ZFYVE21: variants seen among roughly 807,000 people sequenced by gnomAD.
ZFYVE21 encodes the protein zinc finger FYVE-type containing 21.
A neutral mutation model predicts 29.5 loss-of-function variants in ZFYVE21; 21 were observed. The observed-to-expected ratio is 0.71, with a 90% CI of 0.50 to 1.02. The LOEUF (loss-of-function observed/expected upper bound fraction) is 1.02. Ranked by LOEUF, ZFYVE21 falls within the 50% of genes least tolerant of loss-of-function variation. ZFYVE21 has a pLI of 0.00. For synonymous variants in ZFYVE21, 151 were observed against 133.8 expected (o/e 1.13, Z -0.89); for missense variants, 326 against 335.4 (o/e 0.97, Z 0.22).
intron 1 of ZFYVE21, among the ~76,000 whole-genome samples, chr14:103,718,579 G>A (rs1295515695): frequency 6.6e-6 from 1 of 152,180 alleles, no homozygotes; most frequent in Non-Finnish European, 1.5e-5. Flanking sequence ...GAGGTGCTTT[G>A]GGGGTGTGAA....
At chr14:103,731,028 G>C (rs916285626) in intron 5 of ZFYVE21, 1 of 152,380 alleles carries the variant, frequency 6.6e-6, no homozygotes, top group Non-Finnish European at 1.5e-5. Context: ...TGGTTCTAGA[G>C]GCCCGGCATG....
intron 2 of ZFYVE21, 92 bp from the exon 3 acceptor site, chr14:103,727,654 G>A: frequency 4.6e-6 from 7 of 1,533,962 alleles, no homozygotes; most frequent in Non-Finnish European, 6.2e-6. Context: ...GCGTTTAGGC[G>A]TGGCCCGGGG....
intron 1 of ZFYVE21, among the ~76,000 whole-genome samples, chr14:103,720,792 C>T (rs143492956): frequency 2.7e-4 from 41 of 152,158 alleles, no homozygotes; most frequent in African/African-American, 7.5e-4. Context: ...TGGTGTCTGC[C>T]GCACTGTGGA....
chr14:103,725,183 T>TC (rs2151951826), intron 1 of ZFYVE21: 1 of 152,422 alleles, frequency 6.6e-6, no homozygotes, highest in African/African-American at 2.4e-5. Flanking sequence ...CGTGCCGGCG[T>TC]CAGGGTCCCC....
At chr14:103,732,561 T>C in intron 5 of ZFYVE21, 59 bp from the exon 6 acceptor site, 3 of 1,506,758 alleles carry the variant, frequency 2.0e-6, no homozygotes, top group Non-Finnish European at 2.7e-6. Context: ...TTGGGGCTGG[T>C]GGCCGCCTGG....
intron 2 of ZFYVE21, 106 bp downstream of exon 2, chr14:103,726,948 G>GT (rs572377392): frequency 0.12 from 74,909 of 635,864 alleles, 3 homozygotes; most frequent in South Asian, 0.15. Flanking sequence ...CTTATGGCTC[G>GT]TTTTTTTTTT....
At chr14:103,723,346 G>A (rs2151951448) in intron 1 of ZFYVE21, among the ~76,000 whole-genome samples, 1 of 152,338 alleles carries the variant, frequency 6.6e-6, no homozygotes, top group South Asian at 2.1e-4. Context: ...CTGGGCTGAA[G>A]CACAATCAGG....
rs2083806501 is a variant in ZFYVE21 at position 103,716,201 on chromosome 14, G to C, written c.138+222G>C. ...GGGAGGCGCGCGGTGTCCCGGTGCG[G>C]GGGTCCCGGGAGGGCAGGAGGCACC... On this transcript the variant is annotated intron_variant, in intron 1 of 6. Transcript: ENST00000311141. This position sits in a 1 kb window ranked among gnomAD's most constrained non-coding sequence, Gnocchi z 4.8. Among the ~76,000 whole-genome samples the C allele has an allele frequency of 6.6e-6, 1 of 151,840 alleles. No individual in the cohort carries two copies. Among genetic ancestry groups the C allele is most frequent in the African/African-American group, 2.4e-5 (1 of 41,388 alleles).
intron 1 of ZFYVE21, among the ~76,000 whole-genome samples, chr14:103,717,848 G>A (rs1008239311): frequency 3.9e-5 from 6 of 152,232 alleles, no homozygotes; most frequent in African/African-American, 1.4e-4. Flanking sequence ...TTTGCGTTGT[G>A]AATTGTATTG....
rs770397122 is a variant in ZFYVE21 at position 103,732,678 on chromosome 14, T to A, written c.585T>A (p.Gly195=). The A allele has an allele frequency of 3.7e-6, 6 of 1,612,430 alleles. No individual in the cohort carries two copies. In the Admixed American group the frequency reaches 1.0e-4, roughly 27 times the overall value. ...FLQYTVPGTE[G]VTQLKLTVVE... is the part of the protein sequence containing the mutation. ...AGTATACAGTGCCGGGGACGGAGGG[T>A]GTGACCCAGCTGAAGCTGACAGTGG... Residue 195 remains glycine (G), a synonymous_variant, in exon 6 of 7, where the codon GGT becomes GGA. Coordinates refer to ENST00000311141, the MANE Select transcript of ZFYVE21 (RefSeq NM_024071.4).
chr14:103,724,190 A>G (rs10138768), intron 1 of ZFYVE21, among the ~76,000 whole-genome samples: 84,212 of 152,146 alleles, frequency 0.55, 25,489 homozygotes, highest in African/African-American at 0.81. Flanking sequence ...TCCCCACCCC[A>G]GCTCAGACCC....
At position 103,727,783 on chromosome 14, in the gene ZFYVE21, G is replaced by T. The variant is rs1406980811; in HGVS notation, c.227G>T (p.Arg76Met). The T allele has an allele frequency of 1.9e-6, 3 of 1,611,678 alleles. No homozygotes were observed. Among genetic ancestry groups the T allele is most frequent in the East Asian group, 2.2e-5 (1 of 44,874 alleles). The change falls in exon 3 of 7, where the codon AGG (arginine) becomes ATG (methionine). Residue 76 changes from arginine to methionine, a missense_variant. Coordinates refer to ENST00000311141, the MANE Select transcript of ZFYVE21 (RefSeq NM_024071.4). ...CRRCGKCFCD[R>M]CCSQKVPLRR... ...CGCTGCGGGAAGTGCTTCTGCGACA[G>T]GTGCTGCAGCCAGAAGGTGCCGCTG...
intron 1 of ZFYVE21, among the ~76,000 whole-genome samples, chr14:103,717,591 G>A (rs2083838236): frequency 6.6e-6 from 1 of 152,224 alleles, no homozygotes; most frequent in South Asian, 2.1e-4. Context: ...GGCCTCTGCT[G>A]AGGCACTGTG....
rs1057409341 is a variant in ZFYVE21, at chr14:103,733,119, T to C, written c.*101T>C. ...GCGTACCACAGGGATTAATCCTGCTTGTGCTGGGAAATGCAACTCACTCAT... is the reference window on the plus strand; with the variant it reads ...GCGTACCACAGGGATTAATCCTGCTCGTGCTGGGAAATGCAACTCACTCAT... On this transcript the variant is annotated 3_prime_UTR_variant, in exon 7 of 7. Coordinates refer to ENST00000311141, the MANE Select transcript of ZFYVE21 (RefSeq NM_024071.4). 6.6e-7 allele frequency: 1 copy of C among 1,509,152 alleles called. No homozygotes were observed. The highest frequency in any genetic ancestry group is 1.8e-5 in the Admixed American group (1 of 56,860). The allele number at this position is 1,509,152 out of a possible 1,614,324, so 93.5% of individuals were successfully genotyped here.
chr14:103,728,838 G>A, intron 3 of ZFYVE21, 70 bp from the exon 4 acceptor site: 2 of 1,466,248 alleles, frequency 1.4e-6, no homozygotes, highest in African/African-American at 1.4e-5. Flanking sequence ...GTCTCCTACT[G>A]GTACTCGTGG....
At chr14:103,724,671 C>T (rs113931432) in intron 1 of ZFYVE21, 12 of 152,340 alleles carry the variant, frequency 7.9e-5, no homozygotes, top group African/African-American at 1.4e-4. Context: ...TCAGCCGAGC[C>T]CTTAATCATC....
chr14:103,726,733 C>T (rs1595691069), intron 1 of ZFYVE21, 59 bp from the exon 2 acceptor site: 6 of 1,604,260 alleles, frequency 3.7e-6, no homozygotes, highest in Non-Finnish European at 4.3e-6. Flanking sequence ...CGTGGTCGTG[C>T]CCCAGCGACG....
intron 5 of ZFYVE21, chr14:103,732,364 T>G: frequency 1.1e-5 from 4 of 360,180 alleles, no homozygotes; most frequent in Non-Finnish European, 1.9e-5. Context: ...ATGTGGCTCT[T>G]GTTGTTTGTC....
chr14:103,727,039 A>C, intron 2 of ZFYVE21, 197 bp downstream of exon 2: 1 of 542,212 alleles, frequency 1.8e-6, no homozygotes, highest in Admixed American at 3.3e-5. Flanking sequence ...TCTGCCTCTC[A>C]GGTTCAAGTG....
Sources: gnomAD v4.1 joint callset for allele counts (sites outside exome capture counted in the v4.1 genomes callset) on GRCh38, gnomAD v4.1.1 for gene constraint, Gnocchi (gnomAD v3.1) non-coding constraint, MANE v1.5 for transcripts, NCBI Gene and HGNC (gene_info 2026-07-23, HGNC 2026-07-21) for gene names.